Variants in IPCEF1 observed in about 807,000 individuals in gnomAD.
The protein encoded by IPCEF1 is interactor protein for cytohesin exchange factors 1.
A neutral mutation model predicts 50.9 loss-of-function variants in IPCEF1; 31 were observed. That is an observed-to-expected ratio of 0.61 (90% CI 0.46 to 0.82). The LOEUF (loss-of-function observed/expected upper bound fraction) is 0.82. IPCEF1 is among the 40% of genes least tolerant of loss of function. The pLI, the probability that IPCEF1 is intolerant of heterozygous loss-of-function variation, is 0.00. For synonymous variants in IPCEF1, 181 were observed against 192.0 expected, an observed-to-expected ratio of 0.94 and a Z score of 0.47; for missense variants, 458 against 514.0, an observed-to-expected ratio of 0.89 and a Z score of 1.05.
intron 7 of IPCEF1, chr6:154,217,565 T>C (rs1401272915): frequency 6.6e-6 from 1 of 151,020 alleles, no homozygotes; most frequent in African/African-American, 2.4e-5. Context: ...CTAGGGAGGG[T>C]AGTTGAATTA....
At chr6:154,339,804 C>T (rs1783869023) in intron 1 of IPCEF1, among the ~76,000 whole-genome samples, 1 of 152,036 alleles carries the variant, frequency 6.6e-6, no homozygotes, top group Admixed American at 6.6e-5. Flanking sequence ...CTATGTATAA[C>T]CCAGGCTCGT....
intron 5 of IPCEF1, among the ~76,000 whole-genome samples, chr6:154,241,161 G>A (rs368757102): frequency 8.6e-5 from 13 of 151,160 alleles, no homozygotes; most frequent in Admixed American, 5.9e-4. Context: ...GCTTGAACCC[G>A]GGAGGCGGAG....
intron 1 of IPCEF1, among the ~76,000 whole-genome samples, chr6:154,312,312 G>A (rs1418327875): frequency 6.6e-6 from 1 of 152,100 alleles, no homozygotes; most frequent in African/African-American, 2.4e-5. Context: ...AGGGGCTGGT[G>A]TAGAGGGAAG....
chr6:154,221,714 A>T (rs1226482465), intron 6 of IPCEF1, among the ~76,000 whole-genome samples: 1 of 152,070 alleles, frequency 6.6e-6, no homozygotes, highest in Non-Finnish European at 1.5e-5. Context: ...TCTACTAAAT[A>T]TACAAAAAAA....
chr6:154,277,950 C>T lies in IPCEF1; in HGVS notation c.-18+11763G>A, dbSNP rs550421374. Among the ~76,000 whole-genome samples the T allele has an allele frequency of 4.5e-4, 68 of 152,150 alleles. 3 individuals are homozygous for T. In the South Asian group the frequency reaches 8.3e-3, roughly 19 times the overall value. ...TACATGCTCACTTTCCCACTCGTAC[C>T]TCACCTACACTGGGTACCGCACCCA... On this transcript the variant is annotated intron_variant, in intron 2 of 11. Coordinates refer to ENST00000367220, the MANE Select transcript of IPCEF1 (RefSeq NM_001130700.2).
intron 1 of IPCEF1, among the ~76,000 whole-genome samples, chr6:154,340,884 C>CAA (rs59726979): frequency 0.52 from 66,291 of 128,118 alleles, 16,852 homozygotes; most frequent in East Asian, 0.88. Context: ...AACTCCGTCT[C>CAA]AAAAAAAAAA....
At chr6:154,247,395 G>T in intron 4 of IPCEF1, 54 bp downstream of exon 4, 2 of 1,444,152 alleles carry the variant, frequency 1.4e-6, no homozygotes, top group Non-Finnish European at 9.7e-7. Context: ...CCGGAGAAAA[G>T]CCACACTCAA....
At position 154,221,318 on chromosome 6, in the gene IPCEF1, T is replaced by C. The variant is rs751293134; in HGVS notation, c.331A>G (p.Ile111Val). 1 of 1,613,834 alleles carries C rather than the reference T, an allele frequency of 6.2e-7. No homozygotes were observed. The highest frequency in any genetic ancestry group is 2.2e-5 in the East Asian group (1 of 44,824). Reference sequence around the variant, plus strand: ...AAGGTCTTGATCTGTGGATGGCTGATCTTAAAAGCACTTGAAGGAGGAAAA... The same window carrying C: ...AAGGTCTTGATCTGTGGATGGCTGACCTTAAAAGCACTTGAAGGAGGAAAA... ...SECKKKHAFKISHPQIKTFYF... is the reference protein window; with the variant it reads ...SECKKKHAFKVSHPQIKTFYF... The change falls in exon 7 of 12, where the codon ATC (isoleucine) becomes GTC (valine). Residue 111 changes from isoleucine (I) to valine (V), a missense_variant. Coordinates refer to ENST00000367220, the MANE Select transcript of IPCEF1 (RefSeq NM_001130700.2).
chr6:154,257,128 G>C (rs957646661), intron 3 of IPCEF1, among the ~76,000 whole-genome samples: 1 of 152,158 alleles, frequency 6.6e-6, no homozygotes, highest in Non-Finnish European at 1.5e-5. Flanking sequence ...GATCCAGTTG[G>C]TGACTAAATT....
intron 1 of IPCEF1, among the ~76,000 whole-genome samples, chr6:154,326,221 C>CAAAAAAAAAAAAA (rs75214985): frequency 1.0e-5 from 1 of 99,164 alleles, no homozygotes. Context: ...GACCTTGTCT[C>CAAAAAAAAAAAAA]AAAAAAAAAA....
At chr6:154,215,226 T>G (rs927625620) in intron 7 of IPCEF1, among the ~76,000 whole-genome samples, 1 of 152,198 alleles carries the variant, frequency 6.6e-6, no homozygotes, top group Admixed American at 6.5e-5. Flanking sequence ...CCTTCCCACC[T>G]GTATAACTGT....
chr6:154,187,385 T>C (rs1282867158), intron 10 of IPCEF1, among the ~76,000 whole-genome samples: 1 of 152,230 alleles, frequency 6.6e-6, no homozygotes, highest in East Asian at 1.9e-4. Context: ...GTGTTAGCTC[T>C]GTAGGGCTGT....
intron 1 of IPCEF1, among the ~76,000 whole-genome samples, chr6:154,312,936 T>G (rs368233076): frequency 6.6e-6 from 1 of 151,834 alleles, no homozygotes; most frequent in African/African-American, 2.4e-5. Flanking sequence ...AACTTTTTCT[T>G]GGGCAGGGCA....
chr6:154,342,337 T>A (rs574190679), intron 1 of IPCEF1, among the ~76,000 whole-genome samples: 65 of 152,328 alleles, frequency 4.3e-4, no homozygotes, highest in African/African-American at 1.3e-3. Flanking sequence ...CTCCCTTTTT[T>A]AAATTTTATT....
intron 5 of IPCEF1, among the ~76,000 whole-genome samples, chr6:154,231,746 A>G (rs1034163246): frequency 6.6e-6 from 1 of 152,246 alleles, no homozygotes; most frequent in Non-Finnish European, 1.5e-5. Flanking sequence ...AAGAAAGAGG[A>G]TAGAGAACAG....
intron 1 of IPCEF1, among the ~76,000 whole-genome samples, chr6:154,315,158 T>C (rs3849801): frequency 0.082 from 12,504 of 152,172 alleles, 1,077 homozygotes; most frequent in African/African-American, 0.22. Context: ...GCTGGGATTA[T>C]AGGCGTGAGC....
At chr6:154,355,987 C>T (rs1784211394) in intron 1 of IPCEF1, among the ~76,000 whole-genome samples, 1 of 151,946 alleles carries the variant, frequency 6.6e-6, no homozygotes, top group African/African-American at 2.4e-5. Context: ...ATAAATAACT[C>T]GATAGAAATT....
chr6:154,282,923 G>T, intron 2 of IPCEF1, among the ~76,000 whole-genome samples: 1 of 152,134 alleles, frequency 6.6e-6, no homozygotes, highest in East Asian at 1.9e-4. Flanking sequence ...AGCCAAAACA[G>T]CAGGAAGCAG....
chr6:154,271,914 G>A (rs1007468029), intron 2 of IPCEF1, among the ~76,000 whole-genome samples: 1 of 152,172 alleles, frequency 6.6e-6, no homozygotes, highest in African/African-American at 2.4e-5. Flanking sequence ...TTGAGCCCAG[G>A]AGTTCAAGTC....
Sources: gnomAD v4.1 joint callset for allele counts (sites outside exome capture counted in the v4.1 genomes callset) on GRCh38, gnomAD v4.1.1 for gene constraint, MANE v1.5 for transcripts, NCBI Gene and HGNC (gene_info 2026-07-23, HGNC 2026-07-21) for gene names.